Variants in PTPRJ observed in about 807,000 individuals in gnomAD.
The protein encoded by PTPRJ is protein tyrosine phosphatase receptor type J.
A neutral mutation model predicts 141.3 loss-of-function variants in PTPRJ; 129 were observed. The observed-to-expected ratio is 0.91, with a 90% CI of 0.79 to 1.06. PTPRJ has a LOEUF of 1.06. Among genes scored for constraint, PTPRJ ranks in the 50% least tolerant of loss-of-function variants. The probability of loss-of-function intolerance (pLI) is 0.00; values close to 1 mark genes in which losing one functional copy is unlikely to be tolerated. For synonymous variants in PTPRJ, 610 were observed against 640.5 expected, an observed-to-expected ratio of 0.95 and a Z score of 0.72; for missense variants, 1,601 against 1,679.7, an observed-to-expected ratio of 0.95 and a Z score of 0.82.
intron 11 of PTPRJ, 65 bp downstream of exon 11, chr11:48,139,841 G>GT: frequency 6.5e-7 from 1 of 1,538,744 alleles, no homozygotes; most frequent in East Asian, 2.3e-5. Flanking sequence ...CTGACCCACA[G>GT]TGGGTCTGCA....
At chr11:48,088,047 G>A in intron 1 of PTPRJ, among the ~76,000 whole-genome samples, 1 of 152,076 alleles carries the variant, frequency 6.6e-6, no homozygotes, top group East Asian at 1.9e-4. Context: ...CAAAGATCTA[G>A]GAAGAGCTTT....
intron 7 of PTPRJ, among the ~76,000 whole-genome samples, chr11:48,128,853 C>T (rs1222765336): frequency 6.6e-6 from 1 of 152,166 alleles, no homozygotes; most frequent in Non-Finnish European, 1.5e-5. Context: ...TCCATTCCTT[C>T]GCAGGAAGCA....
rs774756017 is a variant in PTPRJ, at chr11:48,144,779, C to G, written c.2680C>G (p.Arg894Gly). Reference sequence around the variant, plus strand: ...CCTCATAAGAACAGAAGAAAAGGGACGTTCTCAGAGCTTGTCTGAAGTTTT... The same window carrying G: ...CCTCATAAGAACAGAAGAAAAGGGAGGTTCTCAGAGCTTGTCTGAAGTTTT... ...TYLIRTEEKG[R>G]SQSLSEVLKY... is the part of the protein sequence containing the mutation. Residue 894 changes from arginine to glycine, a missense_variant, in exon 13 of 25, where the codon CGT becomes GGT. By Grantham distance (125) the Arg-to-Gly change is moderately radical. Transcript: ENST00000418331. 1.2e-6 allele frequency: 2 copies of G among 1,614,030 alleles called. No individual in the cohort carries two copies. The highest frequency in any genetic ancestry group is 2.2e-5 in the South Asian group (2 of 91,082).
At chr11:48,070,379 G>A (rs1028070288) in intron 1 of PTPRJ, among the ~76,000 whole-genome samples, 1 of 152,030 alleles carries the variant, frequency 6.6e-6, no homozygotes, top group Non-Finnish European at 1.5e-5. Context: ...GTGGGCGCCT[G>A]TAATCCCAGC....
Position 48,167,430 on chromosome 11 carries a change from T to C in PTPRJ, c.*68T>C. The stretch of plus-strand genomic sequence containing the variant: ...CCCACAGCGAAGGCACATGCCCCGA[T>C]GTCGACATGTTTTTATATGTCTAAT... On this transcript the variant is annotated 3_prime_UTR_variant, in exon 25 of 25. Transcript: ENST00000418331. The C allele has an allele frequency of 3.3e-6, 5 of 1,495,900 alleles. No homozygotes were observed. The highest frequency in any genetic ancestry group is 4.6e-6 in the Non-Finnish European group (5 of 1,093,442). 92.7% of individuals were successfully genotyped at this position (1,495,900 alleles called of 1,614,324 possible).
intron 1 of PTPRJ, among the ~76,000 whole-genome samples, chr11:47,982,821 C>G (rs1853946363): frequency 6.6e-6 from 1 of 152,046 alleles, no homozygotes; most frequent in African/African-American, 2.4e-5. Context: ...TATTGCCACT[C>G]TACACTTGTC....
chr11:48,110,748 G>T (rs1408005495), intron 2 of PTPRJ, among the ~76,000 whole-genome samples: 1 of 152,110 alleles, frequency 6.6e-6, no homozygotes, highest in Non-Finnish European at 1.5e-5. Flanking sequence ...TTAAAGAATG[G>T]GGTGGAAGAT....
rs544310834 is a variant in PTPRJ, at chr11:47,993,227, C to T, written c.96+12219C>T. On this transcript the variant is annotated intron_variant, in intron 1 of 24. Transcript: ENST00000418331. ...GCCTAGTGAACAAGCTATGGGTCAG[C>T]GTTGTGTGTTCCTTTGGTAAATGGA... Among the ~76,000 whole-genome samples the T allele has an allele frequency of 2.6e-5, 4 of 152,226 alleles. No homozygotes were observed. In the South Asian group the frequency reaches 8.3e-4, roughly 32 times the overall value.
At chr11:48,016,376 A>G (rs993610963) in intron 1 of PTPRJ, among the ~76,000 whole-genome samples, 1 of 152,240 alleles carries the variant, frequency 6.6e-6, no homozygotes, top group East Asian at 1.9e-4. Flanking sequence ...ACGGAGACCT[A>G]CAGAGGTGAA....
Position 48,167,293 on chromosome 11 carries a change from T to G in PTPRJ, c.3945T>G (p.Thr1315=), listed in dbSNP as rs1182147582. The G allele has an allele frequency of 1.1e-5, 18 of 1,613,860 alleles. No individual in the cohort carries two copies. Among genetic ancestry groups the G allele is most frequent in the Admixed American group, 1.7e-5 (1 of 60,024 alleles). The change falls in exon 25 of 25, where the codon ACT becomes ACG. Residue 1315 remains threonine, a synonymous_variant. Coordinates refer to ENST00000418331, the MANE Select transcript of PTPRJ (RefSeq NM_002843.4). ...TAGATCTTATCTACCAGAACACAAC[T>G]GCAATGACAATCTATGAAAACCTTG... ...SKVDLIYQNT[T]AMTIYENLAP...
chr11:48,131,105 T>A (rs1471375689), intron 8 of PTPRJ, among the ~76,000 whole-genome samples: 1 of 119,732 alleles, frequency 8.4e-6, no homozygotes, highest in African/African-American at 3.1e-5. Flanking sequence ...TTTGAGACAG[T>A]CTTACCCTGT....
At chr11:48,149,783 C>T in intron 16 of PTPRJ, 1 of 567,386 alleles carries the variant, frequency 1.8e-6, no homozygotes, top group East Asian at 3.1e-5. Flanking sequence ...TACTTAAAGT[C>T]ACAAAACCAA....
At chr11:48,053,323 T>A (rs1476636007) in intron 1 of PTPRJ, among the ~76,000 whole-genome samples, 1 of 91,892 alleles carries the variant, frequency 1.1e-5, no homozygotes, top group African/African-American at 4.6e-5. Context: ...TAATATATAT[T>A]ATATATTAAT....
intron 18 of PTPRJ, among the ~76,000 whole-genome samples, chr11:48,152,016 C>T (rs1236886159): frequency 2.0e-5 from 3 of 152,198 alleles, no homozygotes; most frequent in Non-Finnish European, 2.9e-5. Flanking sequence ...CTTGAGGAAT[C>T]ACCACATTGT....
chr11:48,101,778 T>G (rs548536075), intron 1 of PTPRJ, among the ~76,000 whole-genome samples: 60 of 152,298 alleles, frequency 3.9e-4, no homozygotes, highest in Non-Finnish European at 7.3e-4. Flanking sequence ...AGGAGAGAAC[T>G]GGTAGGATTA....
At chr11:48,065,667 G>A (rs897574453) in intron 1 of PTPRJ, among the ~76,000 whole-genome samples, 16 of 152,072 alleles carry the variant, frequency 1.1e-4, no homozygotes, top group Non-Finnish European at 2.1e-4. Context: ...ATGATACCGA[G>A]GTAGACCCTA....
chr11:48,119,606 C>A (rs1168413096), intron 3 of PTPRJ, among the ~76,000 whole-genome samples: 2 of 152,126 alleles, frequency 1.3e-5, no homozygotes, highest in Non-Finnish European at 1.5e-5. Context: ...ACCATGTTGG[C>A]CAGGCTGGTG....
At chr11:47,987,955 C>T (rs1476226376) in intron 1 of PTPRJ, among the ~76,000 whole-genome samples, 3 of 152,210 alleles carry the variant, frequency 2.0e-5, no homozygotes, top group Non-Finnish European at 1.5e-5. Flanking sequence ...ATTTTCAGTT[C>T]CACTTTTCCT....
At chr11:48,139,008 C>T (rs900943609) in intron 10 of PTPRJ, among the ~76,000 whole-genome samples, 1 of 152,176 alleles carries the variant, frequency 6.6e-6, no homozygotes, top group Non-Finnish European at 1.5e-5. Flanking sequence ...TGGTGCATGC[C>T]TGTAGTCCCA....
Sources: allele counts gnomAD v4.1 joint callset (sites outside exome capture counted in the v4.1 genomes callset), GRCh38; gene constraint gnomAD v4.1.1; transcripts MANE v1.5; gene names NCBI Gene and HGNC (gene_info 2026-07-23, HGNC 2026-07-21).